Variants in CSMD1 observed in about 807,000 individuals in gnomAD.
CSMD1 encodes the protein CUB and Sushi multiple domains 1.
In CSMD1, 213 loss-of-function variants were observed where a neutral mutation model predicts 417.5. That is an observed-to-expected ratio of 0.51 (90% CI 0.46 to 0.57). The LOEUF is 0.57. Ranked by LOEUF, CSMD1 falls within the 20% of genes least tolerant of loss-of-function variation. CSMD1 has a pLI of 0.00. For synonymous variants in CSMD1, 2,862 were observed against 1,736.8 expected (o/e 1.65, Z -16.11); for missense variants, 6,923 against 4,529.7 (o/e 1.53, Z -15.17).
intron 1 of CSMD1, among the ~76,000 whole-genome samples, chr8:4,659,733 A>G (rs1450408139): frequency 6.6e-6 from 1 of 152,138 alleles, no homozygotes; most frequent in Non-Finnish European, 1.5e-5. Flanking sequence ...TAGTTATACA[A>G]CATTGTGAAT....
At chr8:3,342,359 A>G (rs1218564332) in intron 23 of CSMD1, among the ~76,000 whole-genome samples, 1 of 152,182 alleles carries the variant, frequency 6.6e-6, no homozygotes. Context: ...TCCATCACTA[A>G]CATACTTTTA....
intron 7 of CSMD1, among the ~76,000 whole-genome samples, chr8:3,621,268 T>C (rs1049476675): frequency 6.6e-5 from 10 of 152,000 alleles, no homozygotes; most frequent in African/African-American, 2.4e-4. Context: ...ACCAAAGACA[T>C]AGGTTGGCAG....
chr8:3,054,850 G>T (rs1445833180), intron 49 of CSMD1, among the ~76,000 whole-genome samples: 2 of 152,200 alleles, frequency 1.3e-5, no homozygotes, highest in Non-Finnish European at 2.9e-5. Context: ...TGGCTCTGTG[G>T]AAGCAACAGA....
intron 3 of CSMD1, among the ~76,000 whole-genome samples, chr8:4,130,796 AC>A (rs1247718645): frequency 1.3e-5 from 2 of 151,874 alleles, no homozygotes; most frequent in African/African-American, 4.8e-5. Flanking sequence ...GTCAATGCTT[AC>A]AAATTATATA....
At chr8:3,042,005 G>A (rs1286937955) in intron 50 of CSMD1, among the ~76,000 whole-genome samples, 1 of 152,180 alleles carries the variant, frequency 6.6e-6, no homozygotes, top group Non-Finnish European at 1.5e-5. Flanking sequence ...GGAAGGCACA[G>A]AAGCCTTAAC....
chr8:4,207,329 C>T (rs752545662), intron 3 of CSMD1, among the ~76,000 whole-genome samples: 59 of 152,142 alleles, frequency 3.9e-4, no homozygotes, highest in Non-Finnish European at 5.9e-4. Context: ...GGCTAGGACT[C>T]GTAATTATCT....
chr8:3,777,567 C>G (rs1304091254), intron 5 of CSMD1, among the ~76,000 whole-genome samples: 1 of 152,190 alleles, frequency 6.6e-6, no homozygotes, highest in Admixed American at 6.5e-5. Flanking sequence ...CTCTAGTCCA[C>G]AGGAGACAAG....
chr8:4,209,458 T>C (rs763361039), intron 3 of CSMD1, among the ~76,000 whole-genome samples: 29 of 152,192 alleles, frequency 1.9e-4, no homozygotes, highest in African/African-American at 7.0e-4. Context: ...GAGGACATTG[T>C]CACATCTGCT....
chr8:4,437,841 G>C (rs758078174), intron 2 of CSMD1, among the ~76,000 whole-genome samples: 6 of 152,158 alleles, frequency 3.9e-5, no homozygotes, highest in Non-Finnish European at 8.8e-5. Context: ...AAACTGTGCA[G>C]GTCTGCCCCT....
intron 5 of CSMD1, among the ~76,000 whole-genome samples, chr8:3,972,461 G>C (rs1044311432): frequency 6.6e-6 from 1 of 152,100 alleles, no homozygotes; most frequent in African/African-American, 2.4e-5. Flanking sequence ...TGATTCCTTG[G>C]CTTCTTTCAT....
In CSMD1 at chr8:2,962,533, G is replaced by T; in HGVS notation, c.9561C>A (p.Leu3187=). 6.2e-7 allele frequency: 1 copy of T among 1,613,872 alleles called. No homozygotes were observed. Among genetic ancestry groups the T allele is most frequent in the South Asian group, 1.1e-5 (1 of 91,074 alleles). ...VFFQCKSPFI[L]VGSSRRVCQA... is the part of the protein sequence containing the mutation. The stretch of plus-strand genomic sequence containing the variant: ...GGCAGACTCTTCTGGAGGATCCCAC[G>T]AGTATAAATGGAGATTTGCACTGGA... The change falls in exon 61 of 70, where the codon CTC becomes CTA. Residue 3187 remains leucine (L), a synonymous_variant. Transcript: ENST00000635120.
chr8:4,358,546 T>G (rs1801567220), intron 3 of CSMD1, among the ~76,000 whole-genome samples: 1 of 152,202 alleles, frequency 6.6e-6, no homozygotes. Context: ...CGATATGGCC[T>G]ACAAAACTTA....
intron 4 of CSMD1, among the ~76,000 whole-genome samples, chr8:4,013,045 C>T (rs1349067703): frequency 6.6e-6 from 1 of 152,104 alleles, no homozygotes; most frequent in East Asian, 1.9e-4. Context: ...TTTTTCCCTT[C>T]TCAGCTTATG....
intron 3 of CSMD1, among the ~76,000 whole-genome samples, chr8:4,369,512 A>G (rs896119413): frequency 7.2e-5 from 11 of 152,248 alleles, no homozygotes; most frequent in African/African-American, 2.4e-4. Flanking sequence ...TTCTGCCACA[A>G]TGATTTGTCT....
At chr8:3,924,638 C>T (rs1167347799) in intron 5 of CSMD1, among the ~76,000 whole-genome samples, 2 of 152,134 alleles carry the variant, frequency 1.3e-5, no homozygotes, top group Non-Finnish European at 2.9e-5. Flanking sequence ...TTGGTTGAGT[C>T]TGCTGTTTAA....
chr8:3,122,345 G>A (rs1034097113), intron 41 of CSMD1, among the ~76,000 whole-genome samples: 1 of 152,140 alleles, frequency 6.6e-6, no homozygotes, highest in Non-Finnish European at 1.5e-5. Context: ...ATTATACCAT[G>A]GAACTACTGC....
At chr8:4,021,225 C>T (rs1490485044) in intron 4 of CSMD1, among the ~76,000 whole-genome samples, 1 of 152,200 alleles carries the variant, frequency 6.6e-6, no homozygotes, top group East Asian at 1.9e-4. Context: ...TTGAAACTAG[C>T]ATCTTTTGAA....
At chr8:4,322,826 C>T (rs1041813142) in intron 3 of CSMD1, among the ~76,000 whole-genome samples, 7 of 152,102 alleles carry the variant, frequency 4.6e-5, no homozygotes, top group African/African-American at 1.7e-4. Flanking sequence ...GAAACCCCAA[C>T]TCTCCTACAA....
intron 7 of CSMD1, among the ~76,000 whole-genome samples, chr8:3,637,806 GTAA>G (rs1235984639): frequency 6.6e-6 from 1 of 152,182 alleles, no homozygotes; most frequent in African/African-American, 2.4e-5. Flanking sequence ...CCAGTGGGAA[GTAA>G]TTGAATCTTG....
Sources: allele counts gnomAD v4.1 joint callset (sites outside exome capture counted in the v4.1 genomes callset), GRCh38; gene constraint gnomAD v4.1.1; transcripts MANE v1.5; gene names NCBI Gene and HGNC (gene_info 2026-07-23, HGNC 2026-07-21).